Variants in MED12 observed in about 807,000 individuals in gnomAD.
MED12 encodes mediator of RNA polymerase II transcription subunit 12.
A neutral mutation model predicts 177.7 loss-of-function variants in MED12; 10 were observed. The observed-to-expected ratio is 0.06, with a 90% CI of 0.03 to 0.10. The LOEUF (loss-of-function observed/expected upper bound fraction) is 0.10, where lower values mean the gene tolerates loss of function less well. Ranked by LOEUF, MED12 falls within the 10% of genes least tolerant of loss-of-function variation. The pLI, the probability that MED12 is intolerant of heterozygous loss-of-function variation, is 1.00. For synonymous variants in MED12, 641 were observed against 678.4 expected (o/e 0.94, Z 0.86); for missense variants, 867 against 1,780.8 (o/e 0.49, Z 9.23).
rs910436327 is a variant in MED12, at chrX:71,142,017, G to A, written c.6490+53G>A. On this transcript the variant is annotated intron_variant, in intron 44 of 44. Transcript: ENST00000374080. ...ACCCCATGGAATAAATTTAGGGGGC[G>A]GGGTGGGCCAAAGTAGCTGAAACGA... The A allele has an allele frequency of 3.5e-5, 41 of 1,161,398 alleles. No individual in the cohort carries two copies. The Admixed American group carries it at 6.7e-4, about 19-fold the overall frequency.
Position 71,129,948 on chromosome X carries a change from T to C in MED12, c.3868-87T>C, listed in dbSNP as rs761266934. 5.1e-6 allele frequency: 6 copies of C among 1,172,354 alleles called. No individual in the cohort carries two copies. The South Asian group carries it at 9.2e-5, about 18-fold the overall frequency. On this transcript the variant is annotated intron_variant, in intron 27 of 44. Transcript: ENST00000374080. ...GATCACACCAGCTCCCTACTATACA[T>C]TGTGTTCCTTAACAACTCCAGCCCA... is the stretch of plus-strand genomic sequence containing the variant.
chrX:71,132,150 T>C lies in MED12; in HGVS notation c.4197T>C (p.Ser1399=). The change falls in exon 30 of 45, where the codon TCT becomes TCC. Residue 1399 remains serine, a synonymous_variant. Transcript: ENST00000374080. The part of the protein sequence containing the change: ...VFQQSAETGS[S]SGSTASNMPS... ...AACAGTCAGCAGAGACAGGGTCATC[T>C]TCTGGAAGTACTGCAAGCAACATGC... is the stretch of plus-strand genomic sequence containing the variant. The C allele has an allele frequency of 8.3e-7, 1 of 1,211,011 alleles. No individual in the cohort carries two copies. The highest frequency in any genetic ancestry group is 2.2e-5 in the Admixed American group (1 of 46,078).
chrX:71,128,202 C>T (rs2092308128), intron 22 of MED12, 82 bp downstream of exon 22: 1 of 1,198,108 alleles, frequency 8.3e-7, no homozygotes, highest in South Asian at 1.8e-5. Context: ...GGTACTACAA[C>T]CTTGATTATT....
In MED12 at chrX:71,126,027, T is replaced by TC; in HGVS notation, c.2423-5dup. 8.4e-7 allele frequency: 1 copy of TC among 1,187,212 alleles called. No homozygotes were observed. The highest frequency in any genetic ancestry group is 1.1e-6 in the Non-Finnish European group (1 of 874,542). ...TGTCTTGACTGGTCCCTTTCAACTG[T>TC]CCCCTCAGGTGGGGAGGATGGGCAG... is the stretch of plus-strand genomic sequence containing the variant. On this transcript the variant is annotated splice_polypyrimidine_tract_variant and intron_variant, in intron 17 of 44. Transcript: ENST00000374080.
rs1223010028 is a variant in MED12 at position 71,136,932 on chromosome X, G to A, written c.5454G>A (p.Pro1818=). ...GCCCTTATGGTGTGACAGTGCCTCC[G>A]GACCTCCTGCACCACCCAAACCCTG... The part of the protein sequence containing the change: ...RSGPYGVTVP[P]DLLHHPNPGS... The change falls in exon 38 of 45, where the codon CCG becomes CCA. Residue 1818 remains proline (P), a synonymous_variant. Coordinates refer to ENST00000374080, the MANE Select transcript of MED12 (RefSeq NM_005120.3). 1.1e-5 allele frequency: 13 copies of A among 1,207,798 alleles called. No individual in the cohort carries two copies. The highest frequency in any genetic ancestry group is 2.3e-4 in the Middle Eastern group (1 of 4,374).
intron 28 of MED12, among the ~76,000 whole-genome samples, chrX:71,131,287 G>A (rs1363236897): frequency 9.1e-5 from 10 of 110,490 alleles, no homozygotes; most frequent in Non-Finnish European, 1.7e-4. Flanking sequence ...CCATCACCAC[G>A]CCCAGCTAAT....
At position 71,136,523 on chromosome X, in the gene MED12, G is replaced by T. The variant is rs1375174608; in HGVS notation, c.5268G>T (p.Leu1756=). 4.2e-6 allele frequency: 5 copies of T among 1,199,208 alleles called. No homozygotes were observed. Among genetic ancestry groups the T allele is most frequent in the Non-Finnish European group, 5.6e-6 (5 of 889,379 alleles). ...PEDEEPPAPT[L]LEPEKKAPEP... ...ATGAGGAGCCGCCTGCTCCTACCCTGCTAGAGCCTGAGAAAAAGGCTCCAG... is the reference window on the plus strand; with the variant it reads ...ATGAGGAGCCGCCTGCTCCTACCCTTCTAGAGCCTGAGAAAAAGGCTCCAG... The change falls in exon 37 of 45, where the codon CTG becomes CTT. Residue 1756 remains leucine (L), a synonymous_variant. Coordinates refer to ENST00000374080, the MANE Select transcript of MED12 (RefSeq NM_005120.3).
intron 4 of MED12, among the ~76,000 whole-genome samples, chrX:71,120,702 C>T (rs1456162425): frequency 9.1e-6 from 1 of 110,255 alleles, no homozygotes; most frequent in Non-Finnish European, 1.9e-5. Flanking sequence ...CCTCCACCTC[C>T]CGGGTTAAAG....
At chrX:71,127,209 TC>T (rs1350009333) in intron 20 of MED12, 77 bp downstream of exon 20, 1 of 1,150,445 alleles carries the variant, frequency 8.7e-7, no homozygotes, top group Non-Finnish European at 1.2e-6. Flanking sequence ...AGCATGCACT[TC>T]CTCACACTCT....
intron 28 of MED12, among the ~76,000 whole-genome samples, chrX:71,131,258 A>C (rs2092316638): frequency 9.2e-6 from 1 of 109,242 alleles, no homozygotes; most frequent in South Asian, 4.0e-4. Context: ...CCTCCTGAGT[A>C]ACTGGGATTA....
rs752820569 is a variant in MED12 at position 71,121,301 on chromosome X, C to T, written c.736-26C>T. On this transcript the variant is annotated intron_variant, in intron 5 of 44. Transcript: ENST00000374080. ...TTATCTGCTTCATCTCTAATAGTCC[C>T]CTCTTCCCTCCCCTGGTACCCATAG... 9 of 1,179,812 alleles carry T rather than the reference C, an allele frequency of 7.6e-6. No homozygotes were observed. The East Asian group carries it at 2.4e-4, about 31-fold the overall frequency.
At chrX:71,123,743 A>G (rs749139883) in intron 12 of MED12, 23 bp downstream of exon 12, 12 of 1,177,499 alleles carry the variant, frequency 1.0e-5, no homozygotes, top group Non-Finnish European at 1.3e-5. Context: ...ACCACTCTCT[A>G]GTTACCTCTG....
chrX:71,141,363 A>C lies in MED12; in HGVS notation c.6401A>C (p.Gln2134Pro). ...CCTCCCCAACCCCAGCCCCAGTCCC[A>C]GCCCCAGGTAGCTGCTGGACTACAG... ...AAPPQPQPQS[Q>P]PQFQRQGLQQ... Residue 2134 changes from glutamine (Q) to proline (P), a missense_variant, in exon 43 of 45, where the codon CAG becomes CCG. Transcript: ENST00000374080. 8.6e-7 allele frequency: 1 copy of C among 1,167,931 alleles called. No homozygotes were observed. Among genetic ancestry groups the C allele is most frequent in the Non-Finnish European group, 1.1e-6 (1 of 873,045 alleles).
chrX:71,136,269 T>A lies in MED12; in HGVS notation c.5026-12T>A, dbSNP rs1057520901. 1.7e-5 allele frequency: 21 copies of A among 1,211,581 alleles called. No individual in the cohort carries two copies. Among genetic ancestry groups the A allele is most frequent in the Non-Finnish European group, 2.3e-5 (21 of 895,396 alleles). On this transcript the variant is annotated splice_polypyrimidine_tract_variant and intron_variant, in intron 36 of 44. Coordinates refer to ENST00000374080, the MANE Select transcript of MED12 (RefSeq NM_005120.3). ...GTCCCAACAGCTTATTGTTTTTCATTTTCTGGAGCAGGGTCTACAGGTTTC... is the reference window on the plus strand; with the variant it reads ...GTCCCAACAGCTTATTGTTTTTCATATTCTGGAGCAGGGTCTACAGGTTTC...
In MED12 at chrX:71,122,603, T is replaced by G. The variant is rs375202766; in HGVS notation, c.1344T>G (p.Thr448=). 2.6e-5 allele frequency: 31 copies of G among 1,203,903 alleles called. No homozygotes were observed. The highest frequency in any genetic ancestry group is 3.4e-5 in the Non-Finnish European group (30 of 889,603). ...RWSFDKCQEA[T]AGFTIGRVLH... is the part of the protein sequence containing the mutation. ...CTTTCGATAAATGCCAGGAAGCTAC[T>G]GCAGGTATGTGTCAGAGAACAGATA... The change falls in exon 9 of 45, where the codon ACT becomes ACG. Residue 448 remains threonine (T), a synonymous_variant. Transcript: ENST00000374080.
chrX:71,137,021 T>C lies in MED12; in HGVS notation c.5543T>C (p.Leu1848Pro). ...GGCCTGTACACCCAGAACCAGCCAC[T>C]ACCTGCAGGTGAGTGCCAGCCACTA... ...SIGLYTQNQP[L>P]PAGGPRVDPY... Residue 1848 changes from leucine (L) to proline (P), a missense_variant, in exon 38 of 45, where the codon CTA (leucine) becomes CCA (proline). This residue lies in a region of MED12 where 236 missense variants were observed against 345.2 expected (regional missense o/e 0.68). Coordinates refer to ENST00000374080, the MANE Select transcript of MED12 (RefSeq NM_005120.3). The C allele has an allele frequency of 8.4e-7, 1 of 1,193,897 alleles. No homozygotes were observed. The highest frequency in any genetic ancestry group is 1.1e-6 in the Non-Finnish European group (1 of 887,311).
In MED12 at chrX:71,128,804, G is replaced by A; in HGVS notation, c.3475+86G>A. ...CGGCCATCCTCTCATTGTTCACTGT[G>A]GGAGACCTTGCTGCGGCTCCCTGGC... On this transcript the variant is annotated intron_variant, in intron 24 of 44. Transcript: ENST00000374080. 2.7e-6 allele frequency: 3 copies of A among 1,103,972 alleles called. No individual in the cohort carries two copies. The South Asian group carries it at 5.6e-5, about 20-fold the overall frequency. 91.0% of individuals were successfully genotyped at this position (1,103,972 alleles called of 1,213,427 possible).
chrX:71,135,273 C>T lies in MED12; in HGVS notation c.5025+20C>T, dbSNP rs778475053. The T allele has an allele frequency of 1.4e-5, 17 of 1,209,804 alleles. No homozygotes were observed. The South Asian group carries it at 1.6e-4, about 11-fold the overall frequency. Reference sequence around the variant, plus strand: ...AAGGAGGCATGTTCCATTGTCTGCCCGTGTCCCTTGCCTTTTTTCCCCTTT... The same window carrying T: ...AAGGAGGCATGTTCCATTGTCTGCCTGTGTCCCTTGCCTTTTTTCCCCTTT... On this transcript the variant is annotated intron_variant, in intron 36 of 44. Coordinates refer to ENST00000374080, the MANE Select transcript of MED12 (RefSeq NM_005120.3).
rs767449566 is a variant in MED12 at position 71,129,157 on chromosome X, C to T, written c.3519C>T (p.Cys1173=). 8.3e-7 allele frequency: 1 copy of T among 1,211,277 alleles called. No homozygotes were observed. Among genetic ancestry groups the T allele is most frequent in the East Asian group, 3.0e-5 (1 of 33,864 alleles). The part of the protein sequence containing the change: ...QDSEPGARLT[C]RILLHLFKTP... ...CTGAGCCAGGGGCCCGGCTTACCTG[C>T]CGCATCCTCCTTCACCTTTTCAAGA... Residue 1173 remains cysteine (C), a synonymous_variant, in exon 25 of 45, where the codon TGC becomes TGT. Transcript: ENST00000374080.
Sources: allele counts gnomAD v4.1 joint callset (sites outside exome capture counted in the v4.1 genomes callset), GRCh38; gene constraint gnomAD v4.1.1; regional missense constraint gnomAD v4.1.1; transcripts MANE v1.5; gene names NCBI Gene and HGNC (gene_info 2026-07-23, HGNC 2026-07-21).